Variants in C1orf21 observed in about 807,000 individuals in gnomAD.
C1orf21 encodes chromosome 1 open reading frame 21.
In C1orf21, 3 loss-of-function variants were observed where a neutral mutation model predicts 18.7. The ratio of observed to expected loss-of-function variants is 0.16; its 90% CI spans 0.07 to 0.42. The LOEUF (loss-of-function observed/expected upper bound fraction) is 0.42. Ranked by LOEUF, C1orf21 falls within the 10% of genes least tolerant of loss-of-function variation. The pLI is 0.99. For missense variants in C1orf21, 104 were observed against 143.6 expected (o/e 0.72, Z 1.41); for synonymous variants, 41 against 46.4 (o/e 0.88, Z 0.47).
chr1:184,613,590 C>T (rs1659772809), intron 5 of C1orf21, among the ~76,000 whole-genome samples: 3 of 152,132 alleles, frequency 2.0e-5, no homozygotes. Context: ...TGATGGTTTT[C>T]TTCCCTTACT....
At chr1:184,488,783 G>A (rs1313704607) in intron 2 of C1orf21, among the ~76,000 whole-genome samples, 7 of 152,148 alleles carry the variant, frequency 4.6e-5, no homozygotes, top group African/African-American at 7.2e-5. Flanking sequence ...TGGGCAACAC[G>A]GTGAAATCCT....
chr1:184,585,972 G>A (rs999721818), intron 3 of C1orf21, among the ~76,000 whole-genome samples: 1 of 152,078 alleles, frequency 6.6e-6, no homozygotes, highest in African/African-American at 2.4e-5. Context: ...ATATTCCTTT[G>A]GGTATATAAT....
chr1:184,537,659 C>A (rs1040858145), intron 3 of C1orf21, among the ~76,000 whole-genome samples: 1 of 151,586 alleles, frequency 6.6e-6, no homozygotes, highest in Admixed American at 6.6e-5. Context: ...TTTATTTTTT[C>A]TTTTTTTTGA....
intron 2 of C1orf21, among the ~76,000 whole-genome samples, chr1:184,498,041 G>A (rs916916211): frequency 3.9e-5 from 6 of 151,968 alleles, no homozygotes; most frequent in Admixed American, 1.3e-4. Context: ...TCAGTGCCTC[G>A]CTGTATCTAT....
chr1:184,417,956 A>G (rs1656481341), intron 1 of C1orf21, among the ~76,000 whole-genome samples: 1 of 152,112 alleles, frequency 6.6e-6, no homozygotes, highest in Non-Finnish European at 1.5e-5. Context: ...TCTCCTTTCA[A>G]TGTCTTTGGT....
At chr1:184,441,650 G>A (rs767238318) in intron 1 of C1orf21, among the ~76,000 whole-genome samples, 16 of 152,192 alleles carry the variant, frequency 1.1e-4, no homozygotes, top group Non-Finnish European at 1.9e-4. Context: ...CCATTTTATA[G>A]ATGAGTAGGC....
intron 3 of C1orf21, among the ~76,000 whole-genome samples, chr1:184,521,043 G>C (rs562271921): frequency 6.6e-6 from 1 of 152,028 alleles, no homozygotes; most frequent in Non-Finnish European, 1.5e-5. Flanking sequence ...ACAGGCATAC[G>C]CCACTATGTG....
At chr1:184,506,164 A>G (rs1012878084) in intron 2 of C1orf21, among the ~76,000 whole-genome samples, 3 of 152,200 alleles carry the variant, frequency 2.0e-5, no homozygotes, top group Non-Finnish European at 4.4e-5. Context: ...TCTTTCTAAT[A>G]TCTTTACAAA....
At chr1:184,518,206 A>G (rs1380683377) in intron 3 of C1orf21, among the ~76,000 whole-genome samples, 2 of 152,208 alleles carry the variant, frequency 1.3e-5, no homozygotes, top group African/African-American at 4.8e-5. Context: ...TTCTCTAAGG[A>G]TGAGAGATTT....
intron 1 of C1orf21, among the ~76,000 whole-genome samples, chr1:184,473,703 C>T (rs182361488): frequency 3.7e-4 from 57 of 152,280 alleles, no homozygotes; most frequent in South Asian, 6.2e-4. Context: ...TTTAGCTCTG[C>T]TCAGGTCTCT....
intron 1 of C1orf21, among the ~76,000 whole-genome samples, chr1:184,415,612 A>G (rs1483385320): frequency 6.6e-6 from 1 of 152,236 alleles, no homozygotes; most frequent in Non-Finnish European, 1.5e-5. Context: ...CATTAAAAAA[A>G]TGAAACAGAA....
chr1:184,417,274 A>G (rs1391256984), intron 1 of C1orf21, among the ~76,000 whole-genome samples: 3 of 152,202 alleles, frequency 2.0e-5, no homozygotes, highest in Non-Finnish European at 4.4e-5. Flanking sequence ...TGCTAGCATA[A>G]GGAAAAACGG....
At chr1:184,443,508 G>T (rs1012846204) in intron 1 of C1orf21, among the ~76,000 whole-genome samples, 1 of 152,186 alleles carries the variant, frequency 6.6e-6, no homozygotes, top group Non-Finnish European at 1.5e-5. Flanking sequence ...ATGCCCTGTT[G>T]TGGGCTCCTG....
intron 1 of C1orf21, among the ~76,000 whole-genome samples, chr1:184,454,567 G>A (rs991377066): frequency 6.6e-6 from 1 of 152,114 alleles, no homozygotes; most frequent in Non-Finnish European, 1.5e-5. Context: ...TGGATCATGG[G>A]GGTGGATTTC....
chr1:184,524,618 A>G (rs1658352646), intron 3 of C1orf21, among the ~76,000 whole-genome samples: 1 of 152,096 alleles, frequency 6.6e-6, no homozygotes, highest in Non-Finnish European at 1.5e-5. Context: ...GGGTTTTTTT[A>G]TATAGAACTA....
intron 2 of C1orf21, among the ~76,000 whole-genome samples, chr1:184,494,125 T>A (rs1657855673): frequency 6.6e-6 from 1 of 152,238 alleles, no homozygotes; most frequent in Non-Finnish European, 1.5e-5. Context: ...GATGGCTGTT[T>A]CAGAGTCATC....
In C1orf21 at chr1:184,477,578, C is replaced by G; in HGVS notation, c.69C>G (p.Asn23Lys). The G allele has an allele frequency of 6.2e-7, 1 of 1,614,008 alleles. No individual in the cohort carries two copies. The highest frequency in any genetic ancestry group is 8.5e-7 in the Non-Finnish European group (1 of 1,179,916). Residue 23 changes from asparagine (N) to lysine (K), a missense_variant, in exon 2 of 6, where the codon AAC (asparagine) becomes AAG (lysine). Coordinates refer to ENST00000235307, the MANE Select transcript of C1orf21 (RefSeq NM_030806.4). ...AAGAGGAAGCCCAGAAAGGGAAAAA[C>G]TACCAGAACGGAGATGTGTTTGGCG... is the stretch of plus-strand genomic sequence containing the variant. ...QNEEEAQKGK[N>K]YQNGDVFGDE...
intron 1 of C1orf21, among the ~76,000 whole-genome samples, chr1:184,475,900 A>G (rs1271731289): frequency 6.6e-6 from 1 of 152,108 alleles, no homozygotes; most frequent in Non-Finnish European, 1.5e-5. Flanking sequence ...CCTGGTTTGT[A>G]GAACTTTACC....
At chr1:184,458,898 G>T (rs1406104676) in intron 1 of C1orf21, among the ~76,000 whole-genome samples, 1 of 152,146 alleles carries the variant, frequency 6.6e-6, no homozygotes, top group Non-Finnish European at 1.5e-5. Flanking sequence ...AGAAATTAGG[G>T]TAGTGTTTAT....
Sources: allele counts gnomAD v4.1 joint callset (sites outside exome capture counted in the v4.1 genomes callset), GRCh38; gene constraint gnomAD v4.1.1; transcripts MANE v1.5; gene names NCBI Gene and HGNC (gene_info 2026-07-23, HGNC 2026-07-21).